DLD: variants seen among roughly 807,000 people sequenced by gnomAD.
DLD encodes dihydrolipoamide dehydrogenase, also known as dihydrolipoyl dehydrogenase, mitochondrial.
A neutral mutation model predicts 62.2 loss-of-function variants in DLD; 36 were observed. The observed-to-expected ratio is 0.58, with a 90% CI of 0.44 to 0.76. The LOEUF (loss-of-function observed/expected upper bound fraction) is 0.76, where lower values mean the gene tolerates loss of function less well. Ranked by LOEUF, DLD falls within the 30% of genes least tolerant of loss-of-function variation. The probability of loss-of-function intolerance (pLI) is 0.00; values close to 1 mark genes in which losing one functional copy is unlikely to be tolerated. For missense variants in DLD, 541 were observed against 608.6 expected (o/e 0.89, Z 1.17); for synonymous variants, 204 against 199.6 (o/e 1.02, Z -0.19).
intron 1 of DLD, among the ~76,000 whole-genome samples, chr7:107,892,833 C>T (rs1482257629): frequency 6.6e-6 from 1 of 152,196 alleles, no homozygotes; most frequent in Non-Finnish European, 1.5e-5. Context: ...CAGGCGTGAG[C>T]CACCACGGCC....
At chr7:107,913,279 A>G (rs1257031734) in intron 8 of DLD, among the ~76,000 whole-genome samples, 7 of 151,792 alleles carry the variant, frequency 4.6e-5, no homozygotes, top group Non-Finnish European at 1.0e-4. Context: ...GCAGTTGAAT[A>G]TCATTGGTAG....
At position 107,916,790 on chromosome 7, in the gene DLD, C is replaced by G. The variant is rs760512682; in HGVS notation, c.876-4C>G. On this transcript the variant is annotated splice_region_variant and splice_polypyrimidine_tract_variant and intron_variant, in intron 9 of 13. Coordinates refer to ENST00000205402, the MANE Select transcript of DLD (RefSeq NM_000108.5). ...TTAACATTTATACACTGTTTGTTAT[C>G]TAGTATTGAAGCTGCTTCTGGTGGT... 1.2e-6 allele frequency: 2 copies of G among 1,612,782 alleles called. No homozygotes were observed. The highest frequency in any genetic ancestry group is 8.5e-7 in the Non-Finnish European group (1 of 1,179,604).
intron 8 of DLD, among the ~76,000 whole-genome samples, chr7:107,912,638 T>C (rs1268315655): frequency 1.3e-5 from 2 of 152,166 alleles, no homozygotes; most frequent in East Asian, 3.8e-4. Context: ...TTTTGAGAAA[T>C]GTCTATTCGG....
chr7:107,897,673 G>T (rs1014906850), intron 2 of DLD, among the ~76,000 whole-genome samples: 8 of 150,508 alleles, frequency 5.3e-5, no homozygotes, highest in African/African-American at 7.4e-5. Flanking sequence ...CCACCTCCCG[G>T]GTTCAGGAGA....
chr7:107,901,920 T>C, intron 3 of DLD, 103 bp downstream of exon 3: 3 of 890,900 alleles, frequency 3.4e-6, no homozygotes, highest in Admixed American at 3.7e-5. Flanking sequence ...AATACTTCCT[T>C]AACTCTATAA....
chr7:107,892,345 G>C (rs2031603269), intron 1 of DLD, among the ~76,000 whole-genome samples: 1 of 152,120 alleles, frequency 6.6e-6, no homozygotes, highest in Non-Finnish European at 1.5e-5. Flanking sequence ...ATTACTTGGT[G>C]CATTTTCCTA....
Position 107,906,310 on chromosome 7 carries a change from T to TA in DLD, c.633dup (p.Val212SerfsTer32), listed in dbSNP as rs1040811473. The stretch of plus-strand genomic sequence containing the variant: ...GTGTCATCTACAGGTGCTTTATCTT[T>TA]AAAAAAAGTTCCAGAAAAGATGGTT... On this transcript the variant is annotated frameshift_variant, in exon 8 of 14. Transcript: ENST00000205402. LOFTEE classifies it high-confidence loss of function. 10 of 1,609,862 alleles carry TA rather than the reference T, an allele frequency of 6.2e-6. No individual in the cohort carries two copies. The highest frequency in any genetic ancestry group is 2.7e-5 in the African/African-American group (2 of 74,830).
Position 107,919,633 on chromosome 7 carries a change from G to T in DLD, c.*374G>T, listed in dbSNP as rs576270082. 32 of 201,460 alleles carry T rather than the reference G, an allele frequency of 1.6e-4. No homozygotes were observed. In the South Asian group the frequency reaches 2.6e-3, roughly 16 times the overall value. 12.5% of individuals were successfully genotyped at this position (201,460 alleles called of 1,614,324 possible). A position where few individuals can be genotyped will look rare whatever the true frequency, so the allele number is the denominator to read the frequency against. ...GGAGCTAGAATTTGATATGTGAACA[G>T]TTGTGTTTGAAGCACAGTGATCAAG... On this transcript the variant is annotated 3_prime_UTR_variant, in exon 14 of 14. Coordinates refer to ENST00000205402, the MANE Select transcript of DLD (RefSeq NM_000108.5).
At chr7:107,908,710 A>G (rs1328681171) in intron 8 of DLD, among the ~76,000 whole-genome samples, 2 of 151,352 alleles carry the variant, frequency 1.3e-5, no homozygotes, top group South Asian at 2.1e-4. Context: ...CTTTTAAGTT[A>G]TCTTTTTAGT....
chr7:107,895,820 C>T (rs572947636), intron 2 of DLD, among the ~76,000 whole-genome samples: 3 of 152,204 alleles, frequency 2.0e-5, no homozygotes, highest in Admixed American at 6.5e-5. Context: ...GGACCTTTTA[C>T]TGTAATTCTT....
chr7:107,893,371 T>C (rs1025051026), intron 2 of DLD, 93 bp downstream of exon 2: 44 of 933,372 alleles, frequency 4.7e-5, no homozygotes, highest in African/African-American at 2.3e-4. Flanking sequence ...GAATAACTTA[T>C]GTTAAGTGTC....
chr7:107,915,605 C>A lies in DLD; in HGVS notation c.784C>A (p.Gln262Lys), dbSNP rs2032249194. Residue 262 changes from glutamine (Q) to lysine (K), a missense_variant, in exon 9 of 14, where the codon CAA becomes AAA. Gln to Lys is a moderately conservative substitution (Grantham distance 53, BLOSUM62 1). Coordinates refer to ENST00000205402, the MANE Select transcript of DLD (RefSeq NM_000108.5). ...GIDMEISKNFQRILQKQGFKF... is the reference protein window; with the variant it reads ...GIDMEISKNFKRILQKQGFKF... ...TGATATGGAGATATCTAAAAACTTT[C>A]AACGCATCCTTCAAAAACAGGGGTT... The A allele has an allele frequency of 6.2e-7, 1 of 1,613,564 alleles. No homozygotes were observed. The highest frequency in any genetic ancestry group is 1.3e-5 in the African/African-American group (1 of 74,870).
chr7:107,909,994 A>G (rs1178748312), intron 8 of DLD, among the ~76,000 whole-genome samples: 1 of 151,900 alleles, frequency 6.6e-6, no homozygotes, highest in Non-Finnish European at 1.5e-5. Flanking sequence ...CTGGGATTAC[A>G]GGCACGCACC....
chr7:107,905,230 A>C (rs1054664398), intron 6 of DLD, 131 bp from the exon 7 acceptor site: 311 of 1,085,284 alleles, frequency 2.9e-4, no homozygotes, highest in Non-Finnish European at 4.0e-4. Context: ...TTGCTGCACC[A>C]TGGTGTAGCA....
rs1360320185 is a variant in DLD, at chr7:107,915,565, A to G, written c.744A>G (p.Val248=). The part of the protein sequence containing the change: ...DVTAVEFLGH[V]GGVGIDMEIS... ...CAGCAGTTGAATTTTTAGGTCATGTAGGTGGAGTTGGAATTGATATGGAGA... is the reference window on the plus strand; with the variant it reads ...CAGCAGTTGAATTTTTAGGTCATGTGGGTGGAGTTGGAATTGATATGGAGA... The change falls in exon 9 of 14, where the codon GTA becomes GTG. Residue 248 remains valine, a synonymous_variant. Transcript: ENST00000205402. 2.5e-6 allele frequency: 4 copies of G among 1,613,894 alleles called. No individual in the cohort carries two copies. Among genetic ancestry groups the G allele is most frequent in the Admixed American group, 3.3e-5 (2 of 60,000 alleles).
chr7:107,901,997 A>C (rs1334427868), intron 3 of DLD, among the ~76,000 whole-genome samples, 180 bp downstream of exon 3: 1 of 152,200 alleles, frequency 6.6e-6, no homozygotes. Flanking sequence ...TTGGAATGGA[A>C]AGTGAAATCT....
intron 5 of DLD, 113 bp downstream of exon 5, chr7:107,903,660 G>A: frequency 1.7e-6 from 1 of 604,302 alleles, no homozygotes; most frequent in Non-Finnish European, 3.0e-6. Flanking sequence ...TGAAGGAAGA[G>A]TAAAATAAAT....
At chr7:107,907,584 C>T (rs559659087) in intron 8 of DLD, among the ~76,000 whole-genome samples, 1 of 152,310 alleles carries the variant, frequency 6.6e-6, no homozygotes, top group African/African-American at 2.4e-5. Context: ...TGTGGAAATG[C>T]CATTTTCCCT....
At chr7:107,894,535 C>T (rs921328059) in intron 2 of DLD, among the ~76,000 whole-genome samples, 2 of 152,184 alleles carry the variant, frequency 1.3e-5, no homozygotes, top group South Asian at 4.1e-4. Flanking sequence ...AAAAGTTGGA[C>T]CTCTTATACA....
Sources: gnomAD v4.1 joint callset for allele counts (sites outside exome capture counted in the v4.1 genomes callset) on GRCh38, gnomAD v4.1.1 for gene constraint, MANE v1.5 for transcripts, NCBI Gene and HGNC (gene_info 2026-07-23, HGNC 2026-07-21) for gene names.